The following LTBP2 variants were observed in gnomAD, a reference collection of about 807,000 sequenced individuals.
The protein encoded by LTBP2 is latent transforming growth factor beta binding protein 2.
In LTBP2, 103 loss-of-function variants were observed where a neutral mutation model predicts 210.6. The ratio of observed to expected loss-of-function variants is 0.49; its 90% CI spans 0.42 to 0.58. The LOEUF (loss-of-function observed/expected upper bound fraction) is 0.58. LTBP2 is among the 20% of genes least tolerant of loss of function. The pLI, the probability that LTBP2 is intolerant of heterozygous loss-of-function variation, is 0.00. For synonymous variants in LTBP2, 1,007 were observed against 1,015.0 expected (o/e 0.99, Z 0.15); for missense variants, 2,313 against 2,494.5 (o/e 0.93, Z 1.55).
At chr14:74,580,701 C>T (rs534398166) in intron 3 of LTBP2, among the ~76,000 whole-genome samples, 26 of 152,270 alleles carry the variant, frequency 1.7e-4, no homozygotes, top group African/African-American at 5.8e-4. Flanking sequence ...CAGTGGCTCA[C>T]GCCTGTAATC....
intron 3 of LTBP2, among the ~76,000 whole-genome samples, chr14:74,576,379 A>C (rs1308359238): frequency 6.6e-6 from 1 of 152,200 alleles, no homozygotes; most frequent in Non-Finnish European, 1.5e-5. Flanking sequence ...AGTGAACAAA[A>C]CAAAGATCCC....
At chr14:74,542,661 C>A (rs1180315793) in intron 8 of LTBP2, among the ~76,000 whole-genome samples, 2 of 152,178 alleles carry the variant, frequency 1.3e-5, no homozygotes, top group African/African-American at 4.8e-5. Flanking sequence ...AAATTCTACT[C>A]CCCCAGTAGG....
At position 74,503,279 on chromosome 14, in the gene LTBP2, A is replaced by G. The variant is rs1478574354; in HGVS notation, c.4828T>C (p.Cys1610Arg). ...RGHRTTYTEC[C>R]CQDGEAWSQQ... ...CTCCAGGCCTCGCCGTCCTGGCAGC[A>G]GCATTCCGTGTAGGTGGTGCGGTGC... Residue 1610 changes from cysteine (C) to arginine (R), a missense_variant, in exon 33 of 36, where the codon TGC becomes CGC. Physicochemically the swap from Cys to Arg is radical, Grantham distance 180. Coordinates refer to ENST00000261978, the MANE Select transcript of LTBP2 (RefSeq NM_000428.3). The G allele has an allele frequency of 6.2e-7, 1 of 1,614,126 alleles. No individual in the cohort carries two copies. Among genetic ancestry groups the G allele is most frequent in the South Asian group, 1.1e-5 (1 of 91,086 alleles).
chr14:74,604,965 C>T (rs944419142), intron 1 of LTBP2, among the ~76,000 whole-genome samples: 8 of 152,244 alleles, frequency 5.3e-5, no homozygotes, highest in Non-Finnish European at 2.9e-5. Context: ...CATGCCTAGA[C>T]CAGGGCGTCT....
intron 8 of LTBP2, among the ~76,000 whole-genome samples, chr14:74,542,158 G>A (rs1038460071): frequency 3.9e-5 from 6 of 152,180 alleles, no homozygotes; most frequent in Admixed American, 1.3e-4. Flanking sequence ...AAGCATGCAG[G>A]ACAGATGTGG....
chr14:74,529,001 T>C lies in LTBP2; in HGVS notation c.2109A>G (p.Lys703=). The C allele has an allele frequency of 6.2e-7, 1 of 1,608,214 alleles. No homozygotes were observed. Among genetic ancestry groups the C allele is most frequent in the African/African-American group, 1.3e-5 (1 of 74,998 alleles). The change falls in exon 11 of 36, where the codon AAA becomes AAG. Residue 703 remains lysine (K), a synonymous_variant. Transcript: ENST00000261978. ...ATTTCTCACACTCGCTGCCCCATGC[T>C]TTGCCCACGCGGCTGCAGCAGCATA... ...KQICCCSRVG[K]AWGSECEKCP...
rs2088204435 is a variant in LTBP2, at chr14:74,586,262, T to C, written c.566-144A>G. 5.7e-6 allele frequency: 5 copies of C among 870,864 alleles called. No individual in the cohort carries two copies. The highest frequency in any genetic ancestry group is 7.0e-6 in the Non-Finnish European group (4 of 573,562). 53.9% of individuals were successfully genotyped at this position (870,864 alleles called of 1,614,324 possible). ...AGCCACTCTCCTGGCCTCAGGGGGC[T>C]CCCTGACCCATGTCTCTCCCACCTC... On this transcript the variant is annotated intron_variant, in intron 2 of 35. Transcript: ENST00000261978. This position sits in a 1 kb window ranked among gnomAD's most constrained non-coding sequence, Gnocchi z 4.6.
chr14:74,566,648 C>T (rs1391872221), intron 3 of LTBP2, among the ~76,000 whole-genome samples: 1 of 152,168 alleles, frequency 6.6e-6, no homozygotes, highest in Non-Finnish European at 1.5e-5. Flanking sequence ...GGGCCCAGAG[C>T]CTGGATTGGA....
At chr14:74,589,978 G>T (rs910777966) in intron 2 of LTBP2, among the ~76,000 whole-genome samples, 22 of 152,150 alleles carry the variant, frequency 1.4e-4, no homozygotes, top group African/African-American at 5.1e-4. Context: ...CCCCTCCTGA[G>T]CCCTGAGAAC....
At chr14:74,516,021 TC>T (rs149989898) in intron 18 of LTBP2, among the ~76,000 whole-genome samples, 4,595 of 152,292 alleles carry the variant, frequency 0.03, 115 homozygotes, top group African/African-American at 0.061. Context: ...TTCTCTGACT[TC>T]CAGGCCCTTC....
At chr14:74,504,754 G>C in intron 30 of LTBP2, 24 bp downstream of exon 30, 14 of 1,611,486 alleles carry the variant, frequency 8.7e-6, no homozygotes, top group Non-Finnish European at 1.1e-5. Flanking sequence ...GAAGGAGTTT[G>C]GGGCAGAGGA....
chr14:74,504,074 G>A lies in LTBP2; in HGVS notation c.4454-20C>T. 6.2e-7 allele frequency: 1 copy of A among 1,613,388 alleles called. No individual in the cohort carries two copies. Among genetic ancestry groups the A allele is most frequent in the South Asian group, 1.1e-5 (1 of 90,934 alleles). ...CCGCATCTGTGGAAGGCAGAGCTGA[G>A]GTGAGAGGAAGGTGAGAGGCAGTAT... On this transcript the variant is annotated intron_variant, in intron 30 of 35. Transcript: ENST00000261978.
Position 74,499,369 on chromosome 14 carries a change from T to TAGTA in LTBP2, c.*1511_*1514dup, listed in dbSNP as rs1482684533. ...TCACCTGTAAATTGAGAATAAACAATAGTAAGTAGGATTATTGGATAATTA... is the reference window on the plus strand; with the variant it reads ...TCACCTGTAAATTGAGAATAAACAATAGTAAGTAAGTAGGATTATTGGATAATTA... On this transcript the variant is annotated 3_prime_UTR_variant, in exon 36 of 36. Coordinates refer to ENST00000261978, the MANE Select transcript of LTBP2 (RefSeq NM_000428.3). The TAGTA allele has an allele frequency of 1.8e-5, 4 of 222,468 alleles. No individual in the cohort carries two copies. Among genetic ancestry groups the TAGTA allele is most frequent in the African/African-American group, 8.9e-5 (4 of 44,778 alleles). 13.8% of individuals were successfully genotyped at this position (222,468 alleles called of 1,614,324 possible). A position where few individuals can be genotyped will look rare whatever the true frequency, so the allele number is the denominator to read the frequency against.
chr14:74,595,944 C>T (rs569032133), intron 2 of LTBP2, among the ~76,000 whole-genome samples: 6 of 152,206 alleles, frequency 3.9e-5, no homozygotes, highest in African/African-American at 1.2e-4. Flanking sequence ...TGCCTGTAAT[C>T]CCAGTACTTT....
intron 2 of LTBP2, 73 bp downstream of exon 2, chr14:74,603,562 C>T (rs2088479396): frequency 6.6e-7 from 1 of 1,509,386 alleles, no homozygotes; most frequent in East Asian, 2.3e-5. Context: ...CTTGACCTGC[C>T]CTGGGAGTAG....
rs183116771 is a variant in LTBP2 at position 74,511,556 on chromosome 14, T to A, written c.2909-192A>T. ...CACCGTCTGGGACAAAAGAGGGAGA[T>A]GGAAGAACTTAAAAATTAGAAAGGG... On this transcript the variant is annotated intron_variant, in intron 18 of 35. Transcript: ENST00000261978. Among the ~76,000 whole-genome samples, 311 of 152,200 alleles carry A rather than the reference T, an allele frequency of 2.0e-3. 2 individuals carry two copies. Among genetic ancestry groups the A allele is most frequent in the Non-Finnish European group, 3.4e-3 (230 of 67,998 alleles).
At chr14:74,507,898 G>A in intron 25 of LTBP2, 75 bp downstream of exon 25, 3 of 1,597,260 alleles carry the variant, frequency 1.9e-6, no homozygotes, top group East Asian at 2.2e-5. Context: ...TCTGCTCCAT[G>A]GGAGCTAAGG....
rs1422467909 is a variant in LTBP2 at position 74,604,873 on chromosome 14, C to CAAA, written c.495-1171_495-1169dup. Among the ~76,000 whole-genome samples the CAAA allele has an allele frequency of 9.8e-4, 149 of 152,332 alleles. 1 individual carries two copies. The highest frequency in any genetic ancestry group is 3.4e-3 in the African/African-American group (143 of 41,562). On this transcript the variant is annotated intron_variant, in intron 1 of 35. Transcript: ENST00000261978. ...GTGCTGGGGCATTCACTCAGCTCCC[C>CAAA]AAACTTTGCTTCCGGGTGTCTGGCG... is the stretch of plus-strand genomic sequence containing the variant.
intron 17 of LTBP2, among the ~76,000 whole-genome samples, chr14:74,520,163 G>A (rs542407928): frequency 1.2e-3 from 190 of 152,312 alleles, no homozygotes; most frequent in Non-Finnish European, 2.2e-3. Context: ...GCCAGGGAAC[G>A]TTCACTATTC....
Sources: gnomAD v4.1 joint callset for allele counts (sites outside exome capture counted in the v4.1 genomes callset) on GRCh38, gnomAD v4.1.1 for gene constraint, Gnocchi (gnomAD v3.1) non-coding constraint, MANE v1.5 for transcripts, NCBI Gene and HGNC (gene_info 2026-07-23, HGNC 2026-07-21) for gene names.